Variants in WDR81 observed in about 807,000 individuals in gnomAD.
WDR81 encodes WD repeat-containing protein 81.
A neutral mutation model predicts 140.8 loss-of-function variants in WDR81; 92 were observed. The observed-to-expected ratio is 0.65, with a 90% CI of 0.55 to 0.78. The LOEUF (loss-of-function observed/expected upper bound fraction) is 0.78, where lower values mean the gene tolerates loss of function less well. Among genes scored for constraint, WDR81 ranks in the 30% least tolerant of loss-of-function variants. WDR81 has a pLI of 0.00. For synonymous variants in WDR81, 1,183 were observed against 1,156.4 expected, an observed-to-expected ratio of 1.02 and a Z score of -0.47; for missense variants, 2,502 against 2,636.4, an observed-to-expected ratio of 0.95 and a Z score of 1.12.
intron 1 of WDR81, among the ~76,000 whole-genome samples, chr17:1,729,990 C>CAA (rs71375529): frequency 2.9e-5 from 2 of 68,942 alleles, no homozygotes; most frequent in African/African-American, 5.0e-5. Flanking sequence ...GACTCTGTCT[C>CAA]AAAAAAAAAA....
Position 1,725,040 on chromosome 17 carries a change from G to A in WDR81, c.81G>A (p.Met27Ile). 1 of 1,474,296 alleles carries A rather than the reference G, an allele frequency of 6.8e-7. No homozygotes were observed. The highest frequency in any genetic ancestry group is 9.0e-7 in the Non-Finnish European group (1 of 1,114,978). The allele number at this position is 1,474,296 out of a possible 1,614,324, so 91.3% of individuals were successfully genotyped here. The change falls in exon 1 of 10, where the codon ATG (methionine) becomes ATA (isoleucine). Residue 27 changes from methionine to isoleucine, a missense_variant. By Grantham distance (10) the Met-to-Ile change is conservative. Transcript: ENST00000409644. ...GGWHSPPSPD[M>I]QELLRSVERD... ...GGCATTCCCCGCCAAGCCCAGACATGCAGGAGCTGCTCCGGAGCGTGGAGA... is the reference window on the plus strand; with the variant it reads ...GGCATTCCCCGCCAAGCCCAGACATACAGGAGCTGCTCCGGAGCGTGGAGA...
At position 1,727,017 on chromosome 17, in the gene WDR81, C is replaced by T. The variant is rs1219754581; in HGVS notation, c.2058C>T (p.Ser686=). ...AGCTGGGCTCCTCCAGTCAAGCGTC[C>T]CCTGGACTTCTCTCTTTCTCAGTGG... The part of the protein sequence containing the change: ...GDQLGSSSQA[S]PGLLSFSVAS... The change falls in exon 1 of 10, where the codon TCC becomes TCT. Residue 686 remains serine (S), a synonymous_variant. Coordinates refer to ENST00000409644, the MANE Select transcript of WDR81 (RefSeq NM_001163809.2). 13 of 1,550,254 alleles carry T rather than the reference C, an allele frequency of 8.4e-6. No individual in the cohort carries two copies. The highest frequency in any genetic ancestry group is 1.1e-5 in the Non-Finnish European group (13 of 1,146,972).
upstream of WDR81, among the ~76,000 whole-genome samples, chr17:1,722,985 G>A (rs1914956681): frequency 6.6e-6 from 1 of 152,128 alleles, no homozygotes. Flanking sequence ...GAACCACCGT[G>A]ACCGGCCAAG....
rs1903063498 is a variant in WDR81, at chr17:1,726,826, AC to A, written c.1868del (p.Thr623ArgfsTer16). 1 of 1,549,778 alleles carries A rather than the reference AC, an allele frequency of 6.5e-7. No homozygotes were observed. The highest frequency in any genetic ancestry group is 8.7e-7 in the Non-Finnish European group (1 of 1,146,860). ...IQETTGREDF[T>X]ENPGQLPNGV... ...GGAGACCACAGGCCGGGAGGACTTC[AC>A]GGAAAACCCGGGACAGCTTCCAAAT... is the stretch of plus-strand genomic sequence containing the variant. On this transcript the variant is annotated frameshift_variant, in exon 1 of 10. Transcript: ENST00000409644. LOFTEE classifies it high-confidence loss of function.
At chr17:1,723,455 ATTTT>A (rs1184517785), upstream of WDR81, among the ~76,000 whole-genome samples, 866 of 113,768 alleles carry the variant, frequency 7.6e-3, 8 homozygotes, top group African/African-American at 0.024. Context: ...TTATTTATTT[ATTTT>A]TATTTATTTA....
chr17:1,732,529 G>A, intron 5 of WDR81, 39 bp downstream of exon 5: 1 of 1,603,048 alleles, frequency 6.2e-7, no homozygotes, highest in Non-Finnish European at 8.5e-7. Flanking sequence ...CTGGGGCGGG[G>A]GCTGTGGACC....
At chr17:1,734,628 A>G (rs968357597) in intron 7 of WDR81, among the ~76,000 whole-genome samples, 1 of 151,876 alleles carries the variant, frequency 6.6e-6, no homozygotes, top group Non-Finnish European at 1.5e-5. Flanking sequence ...AAAATACAAA[A>G]ATTAGCCGGG....
Position 1,725,275 on chromosome 17 carries a change from G to C in WDR81, c.316G>C (p.Glu106Gln), listed in dbSNP as rs909470717. ...QRLPAGWTRV[E>Q]VHGLRKRRLS... ...GCTGCCTGCCGGCTGGACGCGCGTG[G>C]AGGTGCATGGGCTGCGGAAGCGGAG... Residue 106 changes from glutamate to glutamine, a missense_variant, in exon 1 of 10, where the codon GAG becomes CAG. By Grantham distance (29) the Glu-to-Gln change is conservative (BLOSUM62 2). Around this residue, in one of 3 missense-constraint regions of WDR81, gnomAD observed 547 missense variants for 513.8 expected, o/e 1.06. Transcript: ENST00000409644. The C allele has an allele frequency of 1.9e-6, 3 of 1,545,932 alleles. No individual in the cohort carries two copies. Among genetic ancestry groups the C allele is most frequent in the Non-Finnish European group, 2.6e-6 (3 of 1,146,958 alleles).
chr17:1,736,160 G>A lies in WDR81; in HGVS notation c.5447G>A (p.Arg1816His), dbSNP rs757292158. The A allele has an allele frequency of 2.5e-5, 40 of 1,601,198 alleles. No individual in the cohort carries two copies. Among genetic ancestry groups the A allele is most frequent in the South Asian group, 1.2e-4 (11 of 91,084 alleles). ...GGCTTCATGGTGCTCCTGGACACCC[G>A]CACAGGCCTGGTTCTGCGAGGCTGG... ...SSGFMVLLDT[R>H]TGLVLRGWPA... The change falls in exon 9 of 10, where the codon CGC (arginine) becomes CAC (histidine). Residue 1816 changes from arginine (R) to histidine (H), a missense_variant. By Grantham distance (29) the Arg-to-His change is conservative. Transcript: ENST00000409644.
Position 1,737,945 on chromosome 17 carries a change from A to G in WDR81, c.*260A>G. On this transcript the variant is annotated 3_prime_UTR_variant, in exon 10 of 10. Coordinates refer to ENST00000409644, the MANE Select transcript of WDR81 (RefSeq NM_001163809.2). ...TCCTAGCAAGCAGGAAGTTAAGAGC[A>G]GGAGGAAGCGTTGCTACCTTCACTT... 1 of 576,320 alleles carries G rather than the reference A, an allele frequency of 1.7e-6. No homozygotes were observed. 35.7% of individuals were successfully genotyped at this position (576,320 alleles called of 1,614,324 possible). A position where few individuals can be genotyped will look rare whatever the true frequency, so the allele number is the denominator to read the frequency against.
rs1202995893 is a variant in WDR81 at position 1,735,273 on chromosome 17, C to A, written c.5180-299C>A. ...TAAAACCCCGTCTCTACCAAAAATA[C>A]AAAAAATTAGCCAGGCGTGGTGGCG... is the stretch of plus-strand genomic sequence containing the variant. On this transcript the variant is annotated intron_variant, in intron 7 of 9. Transcript: ENST00000409644. This position sits in a 1 kb window ranked among gnomAD's most constrained non-coding sequence, Gnocchi z 4.2. Among the ~76,000 whole-genome samples, 3 of 151,980 alleles carry A rather than the reference C, an allele frequency of 2.0e-5. No individual in the cohort carries two copies. Among genetic ancestry groups the A allele is most frequent in the African/African-American group, 7.3e-5 (3 of 41,356 alleles).
chr17:1,738,320 C>T lies in WDR81; in HGVS notation c.*635C>T, dbSNP rs116026578. 5.0e-3 allele frequency: 786 copies of T among 156,002 alleles called. 4 individuals carry two copies. Among genetic ancestry groups the T allele is most frequent in the African/African-American group, 8.8e-3 (366 of 41,380 alleles). The allele number at this position is 156,002 out of a possible 1,614,324, so 9.7% of individuals were successfully genotyped here. On this transcript the variant is annotated 3_prime_UTR_variant, in exon 10 of 10. Coordinates refer to ENST00000409644, the MANE Select transcript of WDR81 (RefSeq NM_001163809.2). The stretch of plus-strand genomic sequence containing the variant: ...GGCGCCTGCCAGGAGTGAGTCCATG[C>T]GTTGTCTGCCCACCCCTACCACAGT...
Position 1,732,347 on chromosome 17 carries a change from C to A in WDR81, c.4180C>A (p.Arg1394=). Reference sequence around the variant, plus strand: ...CAGGTTCCCAAGTGGGGCCCAGGCTCGGACCATCCTGTGTGTGAAAACCAT... The same window carrying A: ...CAGGTTCCCAAGTGGGGCCCAGGCTAGGACCATCCTGTGTGTGAAAACCAT... ...VTGFPSGAQA[R]TILCVKTISL... is the part of the protein sequence containing the mutation. Residue 1394 remains arginine, a synonymous_variant, in exon 5 of 10, where the codon CGG becomes AGG. Transcript: ENST00000409644. 3 of 1,613,344 alleles carry A rather than the reference C, an allele frequency of 1.9e-6. No individual in the cohort carries two copies. Among genetic ancestry groups the A allele is most frequent in the Non-Finnish European group, 2.5e-6 (3 of 1,180,010 alleles).
Position 1,727,463 on chromosome 17 carries a change from T to A in WDR81, c.2504T>A (p.Met835Lys). The change falls in exon 1 of 10, where the codon ATG becomes AAG. Residue 835 changes from methionine to lysine, a missense_variant. Met to Lys is a moderately conservative substitution (Grantham distance 95). Around this residue, in one of 3 missense-constraint regions of WDR81, gnomAD observed 1,737 missense variants for 1,843.0 expected, o/e 0.94. Coordinates refer to ENST00000409644, the MANE Select transcript of WDR81 (RefSeq NM_001163809.2). ...LLQMSGPEVP[M>K]GAERGKLDQL... is the part of the protein sequence containing the mutation. ...CAGATGAGTGGCCCCGAAGTCCCCA[T>A]GGGAGCAGAGAGGGGCAAGCTGGAC... 6.5e-7 allele frequency: 1 copy of A among 1,550,360 alleles called. No individual in the cohort carries two copies. The highest frequency in any genetic ancestry group is 1.2e-5 in the South Asian group (1 of 84,066).
At chr17:1,729,884 C>A (rs1915558475) in intron 1 of WDR81, among the ~76,000 whole-genome samples, 1 of 151,660 alleles carries the variant, frequency 6.6e-6, no homozygotes, top group East Asian at 1.9e-4. Context: ...ATCGCTTGAA[C>A]CCGGAGGTTC....
Position 1,726,914 on chromosome 17 carries a change from C to G in WDR81, c.1955C>G (p.Pro652Arg), listed in dbSNP as rs57207396. The G allele has an allele frequency of 6.5e-7, 1 of 1,550,276 alleles. No homozygotes were observed. The highest frequency in any genetic ancestry group is 1.7e-4 in the Middle Eastern group (1 of 5,992). Residue 652 changes from proline (P) to arginine (R), a missense_variant, in exon 1 of 10, where the codon CCG becomes CGG. Around this residue, in one of 3 missense-constraint regions of WDR81, gnomAD observed 1,737 missense variants for 1,843.0 expected, o/e 0.94. Coordinates refer to ENST00000409644, the MANE Select transcript of WDR81 (RefSeq NM_001163809.2). The part of the protein sequence containing the change: ...PCEASWTRDR[P>R]VAGEDDLEQA... ...GAGGCTAGCTGGACCAGAGACAGGC[C>G]GGTGGCAGGAGAAGACGACTTGGAA...
chr17:1,726,792 G>C lies in WDR81; in HGVS notation c.1833G>C (p.Gln611His), dbSNP rs1408927903. 5.2e-6 allele frequency: 8 copies of C among 1,549,070 alleles called. No homozygotes were observed. The highest frequency in any genetic ancestry group is 7.0e-6 in the Non-Finnish European group (8 of 1,146,862). ...EPPLIPKLLV[Q>H]TIQETTGRED... ...CCCTCATCCCCAAGCTGTTGGTCCAGACCATCCAGGAGACCACAGGCCGGG... is the reference window on the plus strand; with the variant it reads ...CCCTCATCCCCAAGCTGTTGGTCCACACCATCCAGGAGACCACAGGCCGGG... Residue 611 changes from glutamine (Q) to histidine (H), a missense_variant, in exon 1 of 10, where the codon CAG becomes CAC. By Grantham distance (24) the Gln-to-His change is conservative. This residue lies in a region of WDR81 where 1,737 missense variants were observed against 1,843.0 expected (regional missense o/e 0.94). Transcript: ENST00000409644.
chr17:1,730,797 C>T lies in WDR81; in HGVS notation c.3818C>T (p.Pro1273Leu). The T allele has an allele frequency of 6.2e-7, 1 of 1,612,272 alleles. No homozygotes were observed. The highest frequency in any genetic ancestry group is 1.6e-4 in the Middle Eastern group (1 of 6,062). ...QQFTVSSGESPPLSAGNIYQK... is the reference protein window; with the variant it reads ...QQFTVSSGESLPLSAGNIYQK... The stretch of plus-strand genomic sequence containing the variant: ...TTCACAGTGAGCAGTGGCGAGAGCC[C>T]ACCGCTGAGCGCCGGCAACATCTAC... The change falls in exon 3 of 10, where the codon CCA (proline) becomes CTA (leucine). Residue 1273 changes from proline to leucine, a missense_variant. Pro to Leu is a moderately conservative substitution (Grantham distance 98). This residue lies in a region of WDR81 where 1,737 missense variants were observed against 1,843.0 expected (regional missense o/e 0.94). Coordinates refer to ENST00000409644, the MANE Select transcript of WDR81 (RefSeq NM_001163809.2).
At position 1,732,702 on chromosome 17, in the gene WDR81, C is replaced by T. The variant is rs1904467037; in HGVS notation, c.4360C>T (p.Gln1454Ter). 6.2e-7 allele frequency: 1 copy of T among 1,611,670 alleles called. No homozygotes were observed. Among genetic ancestry groups the T allele is most frequent in the Non-Finnish European group, 8.5e-7 (1 of 1,179,406 alleles). ...KLDPAGRGEG[Q>*]LPQVVFSDGQ... The stretch of plus-strand genomic sequence containing the variant: ...GGACCCTGCGGGCCGTGGTGAGGGC[C>T]AGCTGCCACAGGTGGTCTTCTCTGA... The change falls in exon 6 of 10, where the codon CAG (glutamine) becomes TAG (stop). Residue 1454 changes from glutamine to a stop codon, truncating the protein, a stop_gained. Transcript: ENST00000409644. LOFTEE classifies it high-confidence loss of function.
Sources: gnomAD v4.1 joint callset for allele counts (sites outside exome capture counted in the v4.1 genomes callset) on GRCh38, gnomAD v4.1.1 for gene constraint, gnomAD v4.1.1 regional missense constraint, Gnocchi (gnomAD v3.1) non-coding constraint, MANE v1.5 for transcripts, NCBI Gene and HGNC (gene_info 2026-07-23, HGNC 2026-07-21) for gene names.